ADAM12: variants seen among roughly 807,000 people sequenced by gnomAD.
The protein encoded by ADAM12 is disintegrin and metalloproteinase domain-containing protein 12.
Under a neutral mutation model 106.4 loss-of-function variants are expected in ADAM12, and 70 were observed. The observed-to-expected ratio is 0.66, with a 90% CI of 0.54 to 0.80. ADAM12 has a LOEUF of 0.80. ADAM12 is among the 30% of genes least tolerant of loss of function. The pLI, the probability that ADAM12 is intolerant of heterozygous loss-of-function variation, is 0.00. For missense variants in ADAM12, 1,010 were observed against 1,171.9 expected (o/e 0.86, Z 2.02); for synonymous variants, 420 against 433.5 (o/e 0.97, Z 0.39).
At chr10:126,364,249 C>T (rs560539658) in intron 1 of ADAM12, among the ~76,000 whole-genome samples, 2 of 151,910 alleles carry the variant, frequency 1.3e-5, no homozygotes, top group Non-Finnish European at 2.9e-5. Flanking sequence ...ATATCAGGAG[C>T]CTTCCATTAA....
intron 3 of ADAM12, among the ~76,000 whole-genome samples, chr10:126,267,882 T>C (rs1959131453): frequency 6.6e-6 from 1 of 152,160 alleles, no homozygotes; most frequent in African/African-American, 2.4e-5. Flanking sequence ...TGTACCTTCA[T>C]GGAGGAGGAC....
Position 126,012,792 on chromosome 10 carries a change from A to C in ADAM12, c.*4487T>G, listed in dbSNP as rs1470089735. ...ATTTGTAGAGGATTTGTTTTGCTCT[A>C]ATTTGTTTTTCCTATATCTGCCCTA... On this transcript the variant is annotated 3_prime_UTR_variant, in exon 23 of 23. Coordinates refer to ENST00000448723, the MANE Select transcript of ADAM12 (RefSeq NM_001288973.2). The C allele has an allele frequency of 6.6e-6, 1 of 152,200 alleles. No homozygotes were observed. Among genetic ancestry groups the C allele is most frequent in the Non-Finnish European group, 1.5e-5 (1 of 68,042 alleles). 9.4% of individuals were successfully genotyped at this position (152,200 alleles called of 1,614,324 possible).
At chr10:126,220,130 C>T (rs1451951399) in intron 3 of ADAM12, among the ~76,000 whole-genome samples, 1 of 152,214 alleles carries the variant, frequency 6.6e-6, no homozygotes, top group African/African-American at 2.4e-5. Flanking sequence ...GCCAGCCATT[C>T]GGAAGCCTCC....
chr10:126,178,405 CA>C (rs1957256794), intron 3 of ADAM12, among the ~76,000 whole-genome samples: 1 of 112,694 alleles, frequency 8.9e-6, no homozygotes, highest in African/African-American at 4.3e-5. Flanking sequence ...CATTGGAGGA[CA>C]TCTTTTTTTT....
In ADAM12 at chr10:126,155,264, T is replaced by C. The variant is rs754241099; in HGVS notation, c.302A>G (p.Gln101Arg). Residue 101 changes from glutamine (Q) to arginine (R), a missense_variant, in exon 4 of 23, where the codon CAA (glutamine) becomes CGA (arginine). Gln to Arg is a conservative substitution (Grantham distance 43). Coordinates refer to ENST00000448723, the MANE Select transcript of ADAM12 (RefSeq NM_001288973.2). ...AGCGAGGGAGACATCAGTACCGTCT[T>C]GCAGATAGTGGGTTTCCGTGAAACT... ...ASSFTETHYL[Q>R]DGTDVSLARN... 1 of 1,614,164 alleles carries C rather than the reference T, an allele frequency of 6.2e-7. No individual in the cohort carries two copies. Among genetic ancestry groups the C allele is most frequent in the Non-Finnish European group, 8.5e-7 (1 of 1,180,014 alleles).
At chr10:126,377,040 C>T (rs1856318996) in intron 1 of ADAM12, among the ~76,000 whole-genome samples, 1 of 152,192 alleles carries the variant, frequency 6.6e-6, no homozygotes, top group African/African-American at 2.4e-5. Context: ...CCCAATTTGC[C>T]TGGCACTGAG....
chr10:126,049,320 A>C lies in ADAM12; in HGVS notation c.1850T>G (p.Val617Gly). 2 of 1,614,206 alleles carry C rather than the reference A, an allele frequency of 1.2e-6. No homozygotes were observed. The highest frequency in any genetic ancestry group is 1.7e-6 in the Non-Finnish European group (2 of 1,180,048). ...GGRILCRGTHVYLGDDMPDPG... is the reference protein window; with the variant it reads ...GGRILCRGTHGYLGDDMPDPG... ...GTCCGGCATGTCATCGCCCAAGTAC[A>C]CGTGGGTCCCCCGGCACAGAATCCG... Residue 617 changes from valine to glycine, a missense_variant, in exon 16 of 23, where the codon GTG (valine) becomes GGG (glycine). Around this residue, in one of 3 missense-constraint regions of ADAM12, gnomAD observed 615 missense variants for 708.5 expected, o/e 0.87. Transcript: ENST00000448723. This position sits in a 1 kb window ranked among gnomAD's most constrained non-coding sequence, Gnocchi z 4.4.
chr10:126,127,942 A>C (rs1366033613), intron 5 of ADAM12, among the ~76,000 whole-genome samples: 1 of 152,190 alleles, frequency 6.6e-6, no homozygotes, highest in Admixed American at 6.5e-5. Flanking sequence ...AAACAGCCAA[A>C]AAAACAGCAT....
At chr10:126,161,520 T>C (rs1956934109) in intron 3 of ADAM12, among the ~76,000 whole-genome samples, 2 of 152,172 alleles carry the variant, frequency 1.3e-5, no homozygotes, top group South Asian at 2.1e-4. Flanking sequence ...GCTGAATACA[T>C]TACATGTTGA....
chr10:126,326,661 T>A lies in ADAM12; in HGVS notation c.186+3751A>T, dbSNP rs74781037. Among the ~76,000 whole-genome samples, 1,076 of 152,118 alleles carry A rather than the reference T, an allele frequency of 7.1e-3. 51 individuals carry two copies. The highest frequency in any genetic ancestry group is 0.055 in the Admixed American group (845 of 15,286). On this transcript the variant is annotated intron_variant, in intron 2 of 22. Coordinates refer to ENST00000448723, the MANE Select transcript of ADAM12 (RefSeq NM_001288973.2). ...GCAGTCTGGGCACAGCTGTCAGAGG[T>A]CACTGTTAAAACTCACTTGCACGTC...
chr10:126,153,161 A>G (rs937786210), intron 4 of ADAM12, among the ~76,000 whole-genome samples: 5 of 152,168 alleles, frequency 3.3e-5, no homozygotes, highest in African/African-American at 1.2e-4. Flanking sequence ...GAAAATGTCT[A>G]TTTCATTTTT....
At chr10:126,319,292 TGG>T (rs903801827) in intron 2 of ADAM12, among the ~76,000 whole-genome samples, 3 of 151,956 alleles carry the variant, frequency 2.0e-5, no homozygotes, top group Non-Finnish European at 4.4e-5. Context: ...CAACACAGCA[TGG>T]GAAGGGGGAA....
At chr10:126,304,442 C>A (rs954643571) in intron 2 of ADAM12, among the ~76,000 whole-genome samples, 1 of 151,760 alleles carries the variant, frequency 6.6e-6, no homozygotes, top group Non-Finnish European at 1.5e-5. Context: ...GATAAATGAT[C>A]TAAATACTCC....
intron 3 of ADAM12, among the ~76,000 whole-genome samples, chr10:126,257,392 G>A (rs771201223): frequency 2.6e-5 from 4 of 152,214 alleles, no homozygotes; most frequent in Non-Finnish European, 5.9e-5. Context: ...CTGAGAGAAT[G>A]CAGGAATTGC....
At chr10:126,374,623 G>C (rs1015756750) in intron 1 of ADAM12, among the ~76,000 whole-genome samples, 2 of 151,924 alleles carry the variant, frequency 1.3e-5, no homozygotes, top group Non-Finnish European at 2.9e-5. Context: ...AGAGAGAATT[G>C]GTAAACTGAA....
intron 4 of ADAM12, among the ~76,000 whole-genome samples, chr10:126,144,983 G>T (rs1273810843): frequency 6.6e-6 from 1 of 152,178 alleles, no homozygotes; most frequent in South Asian, 2.1e-4. Context: ...CAGACAGAAG[G>T]TCTATCTTAC....
chr10:126,058,964 A>G (rs114251262), intron 14 of ADAM12, among the ~76,000 whole-genome samples: 4,323 of 152,254 alleles, frequency 0.028, 200 homozygotes, highest in African/African-American at 0.098. Flanking sequence ...TATTACATCA[A>G]TGTAGAGCCT....
Position 126,388,430 on chromosome 10 carries a change from C to T in ADAM12, c.-285G>A. 1 of 270,798 alleles carries T rather than the reference C, an allele frequency of 3.7e-6. No individual in the cohort carries two copies. 16.8% of individuals were successfully genotyped at this position (270,798 alleles called of 1,614,324 possible). A position where few individuals can be genotyped will look rare whatever the true frequency, so the allele number is the denominator to read the frequency against. On this transcript the variant is annotated 5_prime_UTR_variant, in exon 1 of 23. Coordinates refer to ENST00000448723, the MANE Select transcript of ADAM12 (RefSeq NM_001288973.2). The surrounding 1 kb of genome is among the most constrained non-coding windows in gnomAD (Gnocchi z 4.4). ...TAAATGAGCAAACTGTCCGAGTTGG[C>T]CCGGGGACTAGGAAGAGCGTTAGTG... is the stretch of plus-strand genomic sequence containing the variant.
chr10:126,372,859 A>G (rs1235509128), intron 1 of ADAM12, among the ~76,000 whole-genome samples: 1 of 152,234 alleles, frequency 6.6e-6, no homozygotes, highest in East Asian at 1.9e-4. Context: ...AGGAGAGCAG[A>G]GACAAGAAAC....
Sources: gnomAD v4.1 joint callset for allele counts (sites outside exome capture counted in the v4.1 genomes callset) on GRCh38, gnomAD v4.1.1 for gene constraint, gnomAD v4.1.1 regional missense constraint, Gnocchi (gnomAD v3.1) non-coding constraint, MANE v1.5 for transcripts, NCBI Gene and HGNC (gene_info 2026-07-23, HGNC 2026-07-21) for gene names.